The following NIPAL1 variants were observed in gnomAD, a reference collection of about 807,000 sequenced individuals.
NIPAL1 encodes the protein magnesium transporter NIPA3.
Under a neutral mutation model 37.7 loss-of-function variants are expected in NIPAL1, and 35 were observed. The observed-to-expected ratio is 0.93, with a 90% CI of 0.71 to 1.23. The LOEUF (loss-of-function observed/expected upper bound fraction) is 1.23. NIPAL1 is among the 50% of genes most tolerant of loss of function. NIPAL1 has a pLI of 0.00. For missense variants in NIPAL1, 412 were observed against 473.9 expected (o/e 0.87, Z 1.21); for synonymous variants, 162 against 183.0 (o/e 0.89, Z 0.93).
In NIPAL1 at chr4:48,016,803, G is replaced by A. The variant is rs1377787082; in HGVS notation, c.-37G>A. The A allele has an allele frequency of 6.5e-7, 1 of 1,547,980 alleles. No homozygotes were observed. The highest frequency in any genetic ancestry group is 1.2e-5 in the South Asian group (1 of 84,640). Reference sequence around the variant, plus strand: ...GCGTGTGGAGAGGCCCAGGTGAGGAGCAAGCGCCCGCGTTCCGGAAGCCCG... The same window carrying A: ...GCGTGTGGAGAGGCCCAGGTGAGGAACAAGCGCCCGCGTTCCGGAAGCCCG... On this transcript the variant is annotated 5_prime_UTR_variant, in exon 1 of 6. Transcript: ENST00000295461.
rs781534115 is a variant in NIPAL1 at position 48,038,233 on chromosome 4, C to T, written c.*2061C>T. Reference sequence around the variant, plus strand: ...TAATGCATTCTACGTTTTTGAAAATCGATAATCCATGGAAGGTCCATGGGT... The same window carrying T: ...TAATGCATTCTACGTTTTTGAAAATTGATAATCCATGGAAGGTCCATGGGT... On this transcript the variant is annotated 3_prime_UTR_variant, in exon 6 of 6. Coordinates refer to ENST00000295461, the MANE Select transcript of NIPAL1 (RefSeq NM_207330.3). 7.9e-5 allele frequency: 12 copies of T among 152,112 alleles called. No individual in the cohort carries two copies. Among genetic ancestry groups the T allele is most frequent in the African/African-American group, 2.7e-4 (11 of 41,412 alleles). The allele number at this position is 152,112 out of a possible 1,614,324, so 9.4% of individuals were successfully genotyped here.
chr4:48,016,992 C>T, intron 1 of NIPAL1, 107 bp downstream of exon 1: 1 of 900,042 alleles, frequency 1.1e-6, no homozygotes, highest in Non-Finnish European at 1.7e-6. Context: ...TGTACCGACT[C>T]TAAACGTAGT....
chr4:48,032,765 T>G (rs1289172331), intron 3 of NIPAL1, among the ~76,000 whole-genome samples: 1 of 152,256 alleles, frequency 6.6e-6, no homozygotes, highest in Non-Finnish European at 1.5e-5. Flanking sequence ...AGTACTCATC[T>G]GTCACCATTT....
Position 48,036,534 on chromosome 4 carries a change from GT to G in NIPAL1, c.*364del. ...CATTCACCAATATACAGTTAGCAGT[GT>G]TCTGATAGACACAGTATCAGTCATA... On this transcript the variant is annotated 3_prime_UTR_variant, in exon 6 of 6. Coordinates refer to ENST00000295461, the MANE Select transcript of NIPAL1 (RefSeq NM_207330.3). The G allele has an allele frequency of 4.2e-6, 1 of 236,408 alleles. No homozygotes were observed. Among genetic ancestry groups the G allele is most frequent in the Non-Finnish European group, 8.1e-6 (1 of 123,716 alleles). 14.6% of individuals were successfully genotyped at this position (236,408 alleles called of 1,614,324 possible). A position where few individuals can be genotyped will look rare whatever the true frequency, so the allele number is the denominator to read the frequency against.
At position 48,027,084 on chromosome 4, in the gene NIPAL1, T is replaced by C. The variant is rs1715710941; in HGVS notation, c.313+1750T>C. Among the ~76,000 whole-genome samples, 1 of 152,008 alleles carries C rather than the reference T, an allele frequency of 6.6e-6. No homozygotes were observed. Among genetic ancestry groups the C allele is most frequent in the Non-Finnish European group, 1.5e-5 (1 of 68,006 alleles). ...GCATAAAGATAAATAATTTATTTTA[T>C]ATAAAGGAAGAGATTATCTAGATTG... On this transcript the variant is annotated intron_variant, in intron 2 of 5. Coordinates refer to ENST00000295461, the MANE Select transcript of NIPAL1 (RefSeq NM_207330.3). The surrounding 1 kb of genome is among the most constrained non-coding windows in gnomAD (Gnocchi z 4.1).
At chr4:48,017,691 GGTAGGGGGAGCGACTGGAAGGAT>G (rs1467415308) in intron 1 of NIPAL1, among the ~76,000 whole-genome samples, 1 of 152,172 alleles carries the variant, frequency 6.6e-6, no homozygotes, top group African/African-American at 2.4e-5. Context: ...TAGGGAAGGG[GGTAGGGGGAGCGACTGGAAGGAT>G]GTAGATACAT....
intron 2 of NIPAL1, 118 bp from the exon 3 acceptor site, chr4:48,030,002 A>T (rs2109370029): frequency 1.7e-6 from 1 of 573,490 alleles, no homozygotes; most frequent in Non-Finnish European, 3.2e-6. Flanking sequence ...AAGAGACTTT[A>T]GATTTACTGA....
chr4:48,035,670 C>G lies in NIPAL1; in HGVS notation c.731C>G (p.Ser244Cys), dbSNP rs1202204068. ...ATATTGGTTTATATTTCAATCTGTT[C>G]CTTGATTGGAGCGTTTTCAGTTTCT... Reference protein sequence around the residue: ...TNILVYISICSLIGAFSVSSV... With the variant: ...TNILVYISICCLIGAFSVSSV... Residue 244 changes from serine to cysteine, a missense_variant, in exon 6 of 6, where the codon TCC becomes TGC. Coordinates refer to ENST00000295461, the MANE Select transcript of NIPAL1 (RefSeq NM_207330.3). 6.2e-7 allele frequency: 1 copy of G among 1,613,824 alleles called. No homozygotes were observed. The highest frequency in any genetic ancestry group is 1.3e-5 in the African/African-American group (1 of 74,878).
Position 48,036,170 on chromosome 4 carries a change from T to C in NIPAL1, c.1231T>C (p.Ter411ArgextTer3), listed in dbSNP as rs1486700646. 6.3e-7 allele frequency: 1 copy of C among 1,594,552 alleles called. No homozygotes were observed. The highest frequency in any genetic ancestry group is 8.5e-7 in the Non-Finnish European group (1 of 1,175,618). ...TACCTTGTTTAGTAGAACTGATGAC[T>C]GAAGTCTCTAGAAACACTGAGTTTT... The part of the protein sequence containing the change: ...DVTLFSRTDD[*>R] The change falls in exon 6 of 6, where the codon TGA becomes CGA. Residue 411 changes from the stop codon to arginine (R), a stop_lost. Coordinates refer to ENST00000295461, the MANE Select transcript of NIPAL1 (RefSeq NM_207330.3).
In NIPAL1 at chr4:48,036,946, G is replaced by C. The variant is rs1715965079; in HGVS notation, c.*774G>C. 6.5e-6 allele frequency: 1 copy of C among 154,152 alleles called. No individual in the cohort carries two copies. Among genetic ancestry groups the C allele is most frequent in the Non-Finnish European group, 1.4e-5 (1 of 69,460 alleles). The allele number at this position is 154,152 out of a possible 1,614,324, so 9.5% of individuals were successfully genotyped here. ...CTGTCTCAAAAAAGAAGAAGAGAAA[G>C]GGCCAGGGGCTTTTGCTTTAAAAAA... On this transcript the variant is annotated 3_prime_UTR_variant, in exon 6 of 6. Transcript: ENST00000295461.
chr4:48,025,179 T>A lies in NIPAL1; in HGVS notation c.158T>A (p.Ile53Lys). The change falls in exon 2 of 6, where the codon ATA becomes AAA. Residue 53 changes from isoleucine (I) to lysine (K), a missense_variant. Physicochemically the swap from Ile to Lys is moderately radical, Grantham distance 102. Transcript: ENST00000295461. ...CTCTACACGGACCTGAATTACAGCA[T>A]AAACAACTTGAGCATTTCAGCAAAT... ...PVLYTDLNYSINNLSISANVE... is the reference protein window; with the variant it reads ...PVLYTDLNYSKNNLSISANVE... 1 of 1,614,254 alleles carries A rather than the reference T, an allele frequency of 6.2e-7. No individual in the cohort carries two copies. Among genetic ancestry groups the A allele is most frequent in the South Asian group, 1.1e-5 (1 of 91,090 alleles).
Position 48,035,760 on chromosome 4 carries a change from C to T in NIPAL1, c.821C>T (p.Pro274Leu), listed in dbSNP as rs139075175. The T allele has an allele frequency of 1.5e-4, 245 of 1,614,108 alleles. No individual in the cohort carries two copies. In the African/African-American group the frequency reaches 2.6e-3, roughly 17 times the overall value. Residue 274 changes from proline to leucine, a missense_variant, in exon 6 of 6, where the codon CCG becomes CTG. Coordinates refer to ENST00000295461, the MANE Select transcript of NIPAL1 (RefSeq NM_207330.3). The stretch of plus-strand genomic sequence containing the variant: ...GAATGGAAGCCAGTTTACAAACATC[C>T]GCTGGTCTTTGTTTTGCTGGCTGTA... Reference protein sequence around the residue: ...LIEWKPVYKHPLVFVLLAVLV... With the variant: ...LIEWKPVYKHLLVFVLLAVLV...
chr4:48,025,038 C>A, intron 1 of NIPAL1, 30 bp from the exon 2 acceptor site: 1 of 1,602,250 alleles, frequency 6.2e-7, no homozygotes, highest in Non-Finnish European at 8.5e-7. Flanking sequence ...CCCTTTCATT[C>A]CTGACATTCT....
intron 1 of NIPAL1, among the ~76,000 whole-genome samples, chr4:48,021,313 C>CG (rs370609157): frequency 0.32 from 49,238 of 151,910 alleles, 8,261 homozygotes; most frequent in South Asian, 0.48. Flanking sequence ...AGTCAAAGTC[C>CG]CTCATTTTAC....
intron 4 of NIPAL1, among the ~76,000 whole-genome samples, chr4:48,034,230 C>G (rs1416659256): frequency 6.6e-6 from 1 of 152,180 alleles, no homozygotes; most frequent in African/African-American, 2.4e-5. Flanking sequence ...AACCCATGGC[C>G]CATGGGCTGC....
In NIPAL1 at chr4:48,030,110, T is replaced by G; in HGVS notation, c.314-10T>G. Reference sequence around the variant, plus strand: ...CCATTTTTTGTTAATTTTTACTTTTTGTATTTTAGGACAAGGTGGACATTC... The same window carrying G: ...CCATTTTTTGTTAATTTTTACTTTTGGTATTTTAGGACAAGGTGGACATTC... On this transcript the variant is annotated splice_polypyrimidine_tract_variant and intron_variant, in intron 2 of 5. Coordinates refer to ENST00000295461, the MANE Select transcript of NIPAL1 (RefSeq NM_207330.3). The G allele has an allele frequency of 6.3e-7, 1 of 1,581,474 alleles. No individual in the cohort carries two copies. The highest frequency in any genetic ancestry group is 8.7e-7 in the Non-Finnish European group (1 of 1,150,832).
In NIPAL1 at chr4:48,032,999, C is replaced by T. The variant is rs1715855323; in HGVS notation, c.377C>T (p.Ala126Val). 2 of 1,611,898 alleles carry T rather than the reference C, an allele frequency of 1.2e-6. No homozygotes were observed. The highest frequency in any genetic ancestry group is 1.7e-6 in the Non-Finnish European group (2 of 1,178,260). Residue 126 changes from alanine to valine, a missense_variant, in exon 4 of 6, where the codon GCA becomes GTA. Physicochemically the swap from Ala to Val is moderately conservative, Grantham distance 64. Coordinates refer to ENST00000295461, the MANE Select transcript of NIPAL1 (RefSeq NM_207330.3). ...LWWVGLLSMG[A>V]GEAANFAAYA... ...ATCTCTGCTTGCTTTCTAGTGGGAG[C>T]AGGAGAGGCTGCAAATTTTGCTGCT...
intron 2 of NIPAL1, among the ~76,000 whole-genome samples, chr4:48,028,296 G>A (rs995816179): frequency 9.9e-5 from 15 of 152,056 alleles, no homozygotes; most frequent in African/African-American, 3.4e-4. Context: ...ACTGATCTTT[G>A]ACAAAGTTGA....
chr4:48,026,637 A>G (rs1180468188), intron 2 of NIPAL1, among the ~76,000 whole-genome samples: 1 of 152,236 alleles, frequency 6.6e-6, no homozygotes, highest in Non-Finnish European at 1.5e-5. Flanking sequence ...GGAAAAAATT[A>G]GAGGAGAAAA....
Sources: allele counts gnomAD v4.1 joint callset (sites outside exome capture counted in the v4.1 genomes callset), GRCh38; gene constraint gnomAD v4.1.1; non-coding constraint Gnocchi (gnomAD v3.1); transcripts MANE v1.5; gene names NCBI Gene and HGNC (gene_info 2026-07-23, HGNC 2026-07-21).